Variants in CLSTN2 observed in about 807,000 individuals in gnomAD.
CLSTN2 encodes the protein calsyntenin-2.
CLSTN2 carries 48 observed loss-of-function variants against 101.2 expected under a neutral mutation model. The ratio of observed to expected loss-of-function variants is 0.47; its 90% CI spans 0.38 to 0.60. CLSTN2 has a LOEUF of 0.60. Among genes scored for constraint, CLSTN2 ranks in the 20% least tolerant of loss-of-function variants. The pLI is 0.00. For synonymous variants in CLSTN2, 481 were observed against 463.6 expected (o/e 1.04, Z -0.48); for missense variants, 1,160 against 1,238.2 (o/e 0.94, Z 0.95).
chr3:140,156,153 A>G (rs1262361901), intron 1 of CLSTN2, among the ~76,000 whole-genome samples: 1 of 152,194 alleles, frequency 6.6e-6, no homozygotes, highest in Non-Finnish European at 1.5e-5. Flanking sequence ...CTTAGGTGCT[A>G]TCTCTTATTA....
Position 140,558,834 on chromosome 3 carries a change from C to A in CLSTN2, c.2018C>A (p.Ala673Asp). The change falls in exon 12 of 17, where the codon GCC becomes GAC. Residue 673 changes from alanine (A) to aspartate (D), a missense_variant. By Grantham distance (126) the Ala-to-Asp change is moderately radical. Coordinates refer to ENST00000458420, the MANE Select transcript of CLSTN2 (RefSeq NM_022131.3). ...GTGAGCACCTTCGCCAAAACCGAAG[C>A]CCCCGGGGACGTGAAAACCACAGGT... The part of the protein sequence containing the change: ...KIVSTFAKTE[A>D]PGDVKTTDPK... 6.2e-7 allele frequency: 1 copy of A among 1,613,756 alleles called. No individual in the cohort carries two copies. The highest frequency in any genetic ancestry group is 8.5e-7 in the Non-Finnish European group (1 of 1,179,884).
chr3:140,366,104 T>C (rs1257089249), intron 2 of CLSTN2, among the ~76,000 whole-genome samples: 6 of 152,178 alleles, frequency 3.9e-5, no homozygotes, highest in Non-Finnish European at 8.8e-5. Flanking sequence ...CAGTCAGCCG[T>C]GTTCATCTGC....
At chr3:140,108,711 A>G (rs1244878699) in intron 1 of CLSTN2, among the ~76,000 whole-genome samples, 1 of 151,986 alleles carries the variant, frequency 6.6e-6, no homozygotes, top group Non-Finnish European at 1.5e-5. Context: ...CATGGTATTT[A>G]TTTTGTTTTG....
At chr3:140,016,793 G>GAAAAAAAAAA (rs56040791) in intron 1 of CLSTN2, among the ~76,000 whole-genome samples, 1 of 89,280 alleles carries the variant, frequency 1.1e-5, no homozygotes, top group African/African-American at 4.6e-5. Context: ...GTGAGACTCT[G>GAAAAAAAAAA]AAAAAAAAAA....
chr3:140,138,539 G>A (rs1011833717), intron 1 of CLSTN2, among the ~76,000 whole-genome samples: 3 of 152,236 alleles, frequency 2.0e-5, no homozygotes, highest in African/African-American at 4.8e-5. Flanking sequence ...CCAGGTAGAT[G>A]TGGGAACTGC....
chr3:140,201,563 G>C (rs2010717858), intron 2 of CLSTN2, among the ~76,000 whole-genome samples: 1 of 152,156 alleles, frequency 6.6e-6, no homozygotes, highest in Non-Finnish European at 1.5e-5. Flanking sequence ...TAGCCACTGA[G>C]AGACTAACTC....
In CLSTN2 at chr3:140,427,207, G is replaced by GTATA. The variant is rs1301184422; in HGVS notation, c.787+5947_787+5950dup. ...AAAATATATATATATATATATATGT[G>GTATA]TATATATATATATATATGTGTGTAT... On this transcript the variant is annotated intron_variant, in intron 5 of 16. Transcript: ENST00000458420. Among the ~76,000 whole-genome samples the GTATA allele has an allele frequency of 3.2e-3, 273 of 84,924 alleles. 13 individuals carry two copies. The highest frequency in any genetic ancestry group is 0.015 in the African/African-American group (209 of 13,548). The allele number at this position is 84,924 out of a possible 152,430, so 55.7% of individuals were successfully genotyped here.
rs190105628 is a variant in CLSTN2 at position 140,473,019 on chromosome 3, G to T, written c.1344+6288G>T. On this transcript the variant is annotated intron_variant, in intron 8 of 16. Coordinates refer to ENST00000458420, the MANE Select transcript of CLSTN2 (RefSeq NM_022131.3). ...TGGTGTTGGCAGAGAAGGGTCCTCA[G>T]ACCCACATGGGACATCCTGGGCTTC... Among the ~76,000 whole-genome samples, 316 of 152,338 alleles carry T rather than the reference G, an allele frequency of 2.1e-3. 1 individual carries two copies. Among genetic ancestry groups the T allele is most frequent in the African/African-American group, 7.1e-3 (296 of 41,590 alleles).
intron 8 of CLSTN2, among the ~76,000 whole-genome samples, chr3:140,485,916 C>T (rs538482299): frequency 1.7e-4 from 26 of 152,052 alleles, no homozygotes; most frequent in Non-Finnish European, 2.8e-4. Flanking sequence ...CCAGGTGAGG[C>T]GATGCCTCAC....
chr3:140,381,588 A>G (rs1302303835), intron 2 of CLSTN2, among the ~76,000 whole-genome samples: 1 of 152,190 alleles, frequency 6.6e-6, no homozygotes, highest in Non-Finnish European at 1.5e-5. Flanking sequence ...GTGAGTTCTC[A>G]TTGTTCCACT....
At chr3:140,354,675 G>A (rs2087648616) in intron 2 of CLSTN2, among the ~76,000 whole-genome samples, 1 of 152,298 alleles carries the variant, frequency 6.6e-6, no homozygotes, top group African/African-American at 2.4e-5. Context: ...GGGGAGGGCT[G>A]TATCTGGAGT....
intron 2 of CLSTN2, among the ~76,000 whole-genome samples, chr3:140,346,655 G>T (rs1313743390): frequency 6.6e-6 from 1 of 152,184 alleles, no homozygotes; most frequent in African/African-American, 2.4e-5. Context: ...CAAAATTGGG[G>T]CTGAAAACTT....
intron 4 of CLSTN2, among the ~76,000 whole-genome samples, chr3:140,419,303 C>T (rs12053843): frequency 0.28 from 41,411 of 147,568 alleles, 6,098 homozygotes; most frequent in East Asian, 0.46. Flanking sequence ...GCCAACATGG[C>T]GAAACCCCAT....
intron 1 of CLSTN2, among the ~76,000 whole-genome samples, chr3:140,174,343 T>C (rs577177523): frequency 6.6e-6 from 1 of 152,296 alleles, no homozygotes; most frequent in Non-Finnish European, 1.5e-5. Context: ...ATTGCCCATA[T>C]CACTATCAGC....
intron 1 of CLSTN2, among the ~76,000 whole-genome samples, chr3:140,093,638 T>G (rs753969331): frequency 6.6e-6 from 1 of 152,186 alleles, no homozygotes; most frequent in Non-Finnish European, 1.5e-5. Context: ...GATCTCGTAA[T>G]TTTAAGATGG....
At chr3:139,937,322 A>G (rs1935041418) in intron 1 of CLSTN2, among the ~76,000 whole-genome samples, 1 of 152,166 alleles carries the variant, frequency 6.6e-6, no homozygotes, top group South Asian at 2.1e-4. Context: ...GAGAAAGAGA[A>G]GGAGAGAGAT....
chr3:140,014,204 AATTTTGTTTT>A (rs1362257874), intron 1 of CLSTN2, among the ~76,000 whole-genome samples: 3 of 151,900 alleles, frequency 2.0e-5, no homozygotes, highest in Admixed American at 1.3e-4. Flanking sequence ...GGGAGGATGC[AATTTTGTTTT>A]ATTTTATTTT....
intron 8 of CLSTN2, among the ~76,000 whole-genome samples, chr3:140,488,041 C>T (rs1423860316): frequency 1.3e-5 from 2 of 152,150 alleles, no homozygotes; most frequent in East Asian, 1.9e-4. Context: ...GATGCACATT[C>T]GGGTTTATTA....
At chr3:140,136,885 T>A (rs538814164) in intron 1 of CLSTN2, among the ~76,000 whole-genome samples, 54 of 152,096 alleles carry the variant, frequency 3.6e-4, no homozygotes, top group Non-Finnish European at 6.5e-4. Context: ...CTGTGGAGAA[T>A]GGGTGGCAGA....
Sources: gnomAD v4.1 joint callset for allele counts (sites outside exome capture counted in the v4.1 genomes callset) on GRCh38, gnomAD v4.1.1 for gene constraint, MANE v1.5 for transcripts, NCBI Gene and HGNC (gene_info 2026-07-23, HGNC 2026-07-21) for gene names.